CCDC149: variants seen among roughly 807,000 people sequenced by gnomAD.
The protein encoded by CCDC149 is coiled-coil domain-containing protein 149.
In CCDC149, 45 loss-of-function variants were observed where a neutral mutation model predicts 59.9. The observed-to-expected ratio is 0.75, with a 90% CI of 0.59 to 0.96. CCDC149 has a LOEUF of 0.96. Among genes scored for constraint, CCDC149 ranks in the 40% least tolerant of loss-of-function variants. The probability of loss-of-function intolerance (pLI) is 0.00; values close to 1 mark genes in which losing one functional copy is unlikely to be tolerated. For synonymous variants in CCDC149, 245 were observed against 260.6 expected (o/e 0.94, Z 0.58); for missense variants, 584 against 664.7 (o/e 0.88, Z 1.33).
At chr4:24,834,558 A>G (rs1716369207) in intron 8 of CCDC149, among the ~76,000 whole-genome samples, 1 of 152,176 alleles carries the variant, frequency 6.6e-6, no homozygotes, top group Admixed American at 6.5e-5. Context: ...TGAATTGGTG[A>G]TTAGGAAACG....
intron 4 of CCDC149, among the ~76,000 whole-genome samples, chr4:24,840,378 G>T (rs1414187326): frequency 6.6e-6 from 1 of 152,172 alleles, no homozygotes; most frequent in Non-Finnish European, 1.5e-5. Context: ...ATTATCCATG[G>T]ATTCTGTATT....
intron 4 of CCDC149, among the ~76,000 whole-genome samples, chr4:24,839,178 CTAACT>C (rs1383405788): frequency 6.6e-6 from 1 of 151,470 alleles, no homozygotes; most frequent in Admixed American, 6.6e-5. Flanking sequence ...TTTTTACTTT[CTAACT>C]TTTTTTTTTT....
At chr4:24,846,773 A>T (rs1717314289) in intron 4 of CCDC149, among the ~76,000 whole-genome samples, 1 of 152,134 alleles carries the variant, frequency 6.6e-6, no homozygotes, top group South Asian at 2.1e-4. Flanking sequence ...GCTAAATTTA[A>T]ATTTGCCAGC....
intron 4 of CCDC149, among the ~76,000 whole-genome samples, chr4:24,851,233 T>C (rs1214781416): frequency 6.6e-6 from 1 of 152,148 alleles, no homozygotes; most frequent in Admixed American, 6.6e-5. Flanking sequence ...TCACACACAC[T>C]AACACACTCA....
chr4:24,884,357 C>A (rs1194996236), intron 1 of CCDC149, among the ~76,000 whole-genome samples: 2 of 152,168 alleles, frequency 1.3e-5, no homozygotes, highest in Admixed American at 1.3e-4. Context: ...TACCATGTAG[C>A]CTCGGGATGC....
chr4:24,953,616 A>G (rs1045391150), intron 1 of CCDC149, among the ~76,000 whole-genome samples: 1 of 152,170 alleles, frequency 6.6e-6, no homozygotes, highest in Non-Finnish European at 1.5e-5. Context: ...ATTATATACA[A>G]ATGTCTAGTT....
intron 3 of CCDC149, among the ~76,000 whole-genome samples, chr4:24,854,343 TG>T (rs1406766003): frequency 1.3e-5 from 2 of 152,234 alleles, no homozygotes; most frequent in Non-Finnish European, 2.9e-5. Flanking sequence ...CTCTGCTTTC[TG>T]CTTCCTCTGC....
chr4:24,957,330 AG>A (rs1415118123), intron 1 of CCDC149, among the ~76,000 whole-genome samples: 1 of 152,238 alleles, frequency 6.6e-6, no homozygotes, highest in Non-Finnish European at 1.5e-5. Flanking sequence ...GTAATCTACC[AG>A]TGTTTCATTG....
intron 1 of CCDC149, among the ~76,000 whole-genome samples, chr4:24,975,551 G>A (rs60647885): frequency 0.38 from 54,774 of 143,210 alleles, 11,424 homozygotes; most frequent in East Asian, 0.56. Flanking sequence ...GAGAAAAGAT[G>A]AAAGGAGAGG....
At chr4:24,857,295 C>T (rs1418639981) in intron 3 of CCDC149, among the ~76,000 whole-genome samples, 1 of 152,072 alleles carries the variant, frequency 6.6e-6, no homozygotes, top group Non-Finnish European at 1.5e-5. Context: ...TAGATCAATA[C>T]TTTTGTAAAA....
At chr4:24,918,047 T>A (rs181456783) in intron 1 of CCDC149, among the ~76,000 whole-genome samples, 12 of 151,684 alleles carry the variant, frequency 7.9e-5, no homozygotes, top group Non-Finnish European at 1.6e-4. Flanking sequence ...GGAAGCCTTA[T>A]GAAAAAAAAA....
intron 4 of CCDC149, among the ~76,000 whole-genome samples, chr4:24,847,302 C>T (rs556870973): frequency 6.6e-6 from 1 of 152,314 alleles, no homozygotes; most frequent in East Asian, 1.9e-4. Flanking sequence ...CTGTTAAGTG[C>T]TTGCTAGGTG....
Position 24,808,674 on chromosome 4 carries a change from G to A in CCDC149, c.1338C>T (p.Pro446=). The A allele has an allele frequency of 6.4e-7, 1 of 1,552,404 alleles. No homozygotes were observed. The highest frequency in any genetic ancestry group is 1.2e-5 in the South Asian group (1 of 84,066). Residue 446 remains proline (P), a synonymous_variant, in exon 13 of 13, where the codon CCC becomes CCT. Transcript: ENST00000635206. ...TTACTTCTTCCTCAGAAGGTAACTGGGGTAATGAAGGATGAAAGAGCTTGC... is the reference window on the plus strand; with the variant it reads ...TTACTTCTTCCTCAGAAGGTAACTGAGGTAATGAAGGATGAAAGAGCTTGC...
intron 1 of CCDC149, among the ~76,000 whole-genome samples, chr4:24,932,228 T>C (rs1027820262): frequency 6.6e-6 from 1 of 152,246 alleles, no homozygotes; most frequent in Non-Finnish European, 1.5e-5. Flanking sequence ...TAACAGGTTT[T>C]CCAAAAGACA....
At chr4:24,949,349 G>A (rs763975339) in intron 1 of CCDC149, among the ~76,000 whole-genome samples, 36 of 140,906 alleles carry the variant, frequency 2.6e-4, no homozygotes, top group African/African-American at 7.7e-4. Flanking sequence ...ACCCTCATGC[G>A]TTTACAGGGA....
chr4:24,837,516 G>A lies in CCDC149; in HGVS notation c.490-116C>T, dbSNP rs538367240. ...TTTAGAGAGTTTATTAACACTACCC[G>A]CATGCCCTAAAGCCATAAGCGCCAC... On this transcript the variant is annotated intron_variant, in intron 5 of 12. Coordinates refer to ENST00000635206, the MANE Select transcript of CCDC149 (RefSeq NM_001330643.2). This position sits in a 1 kb window ranked among gnomAD's most constrained non-coding sequence, Gnocchi z 4.3. 9.2e-5 allele frequency: 83 copies of A among 903,664 alleles called. No individual in the cohort carries two copies. The Admixed American group carries it at 1.6e-3, about 17-fold the overall frequency. 56.0% of individuals were successfully genotyped at this position (903,664 alleles called of 1,614,324 possible).
chr4:24,883,910 T>C (rs529129554), intron 1 of CCDC149, among the ~76,000 whole-genome samples: 1 of 152,314 alleles, frequency 6.6e-6, no homozygotes, highest in East Asian at 1.9e-4. Flanking sequence ...AAACCAGAAC[T>C]TTCCATTACA....
chr4:24,874,006 G>C (rs1719222607), intron 2 of CCDC149, among the ~76,000 whole-genome samples: 1 of 152,104 alleles, frequency 6.6e-6, no homozygotes, highest in Admixed American at 6.6e-5. Flanking sequence ...AATTCTTTTT[G>C]ATCACAGCCT....
chr4:24,833,088 C>T (rs534489958), intron 8 of CCDC149, among the ~76,000 whole-genome samples: 1 of 151,912 alleles, frequency 6.6e-6, no homozygotes, highest in South Asian at 2.1e-4. Context: ...TTCAAGTCTG[C>T]TTTGGGTTTT....
Sources: gnomAD v4.1 joint callset for allele counts (sites outside exome capture counted in the v4.1 genomes callset) on GRCh38, gnomAD v4.1.1 for gene constraint, Gnocchi (gnomAD v3.1) non-coding constraint, MANE v1.5 for transcripts, NCBI Gene and HGNC (gene_info 2026-07-23, HGNC 2026-07-21) for gene names.